The following ONECUT3 variants were observed in gnomAD, a reference collection of about 807,000 sequenced individuals.
ONECUT3 encodes one cut domain family member 3.
Under a neutral mutation model 16.8 loss-of-function variants are expected in ONECUT3, and 11 were observed. The observed-to-expected ratio is 0.66, with a 90% CI of 0.41 to 1.09. The LOEUF is 1.09. ONECUT3 is among the 50% of genes least tolerant of loss of function. The probability of loss-of-function intolerance (pLI) is 0.00; values close to 1 mark genes in which losing one functional copy is unlikely to be tolerated. For missense variants in ONECUT3, 637 were observed against 629.9 expected (o/e 1.01, Z -0.12); for synonymous variants, 344 against 310.7 (o/e 1.11, Z -1.13).
intron 1 of ONECUT3, among the ~76,000 whole-genome samples, chr19:1,760,495 C>A (rs1215623388): frequency 1.3e-5 from 2 of 152,092 alleles, no homozygotes; most frequent in Admixed American, 1.3e-4. Context: ...AGGTGACCGG[C>A]CAGTTCCACC....
rs891025660 is a variant in ONECUT3, at chr19:1,762,017, A to C, written c.1192+7163A>C. 2.6e-5 allele frequency among the ~76,000 whole-genome samples: 4 copies of C among 152,022 alleles called. No individual in the cohort carries two copies. The highest frequency in any genetic ancestry group is 9.7e-5 in the African/African-American group (4 of 41,368). ...GGGTCACAAGTGTAGACGCACCCGG[A>C]GACACGTGTGTAGACGCCTCCGTTC... is the stretch of plus-strand genomic sequence containing the variant. On this transcript the variant is annotated intron_variant, in intron 1 of 1. Transcript: ENST00000382349. The surrounding 1 kb of genome is among the most constrained non-coding windows in gnomAD (Gnocchi z 4.4).
rs906375219 is a variant in ONECUT3, at chr19:1,780,904, C to T, written c.*5459C>T. On this transcript the variant is annotated 3_prime_UTR_variant, in exon 2 of 2. Transcript: ENST00000382349. Reference sequence around the variant, plus strand: ...GACACCACTTGGACCCTCCAAAGTCCCCTCCCCTCCAGGGACAGGGGAGAG... The same window carrying T: ...GACACCACTTGGACCCTCCAAAGTCTCCTCCCCTCCAGGGACAGGGGAGAG... 10 of 151,596 alleles carry T rather than the reference C, an allele frequency of 6.6e-5. No individual in the cohort carries two copies. Among genetic ancestry groups the T allele is most frequent in the African/African-American group, 2.2e-4 (9 of 41,110 alleles). 9.4% of individuals were successfully genotyped at this position (151,596 alleles called of 1,614,324 possible).
rs902618297 is a variant in ONECUT3 at position 1,758,490 on chromosome 19, C to T, written c.1192+3636C>T. 1.3e-5 allele frequency among the ~76,000 whole-genome samples: 2 copies of T among 152,158 alleles called. No homozygotes were observed. The highest frequency in any genetic ancestry group is 2.9e-5 in the Non-Finnish European group (2 of 68,036). ...CCAAAGCACGCAAGAAATCCCACCG[C>T]AGACCTCGGAGTCCCGGCCCCACTG... is the stretch of plus-strand genomic sequence containing the variant. On this transcript the variant is annotated intron_variant, in intron 1 of 1. Coordinates refer to ENST00000382349, the MANE Select transcript of ONECUT3 (RefSeq NM_001080488.2). The surrounding 1 kb of genome is among the most constrained non-coding windows in gnomAD (Gnocchi z 5.9).
rs944941829 is a variant in ONECUT3 at position 1,755,840 on chromosome 19, C to T, written c.1192+986C>T. Among the ~76,000 whole-genome samples the T allele has an allele frequency of 6.6e-6, 1 of 152,222 alleles. No individual in the cohort carries two copies. Among genetic ancestry groups the T allele is most frequent in the Admixed American group, 6.5e-5 (1 of 15,288 alleles). ...TGACAACAGCTAAGTCCACACCTGC[C>T]CTCTGACAGGCAGCCCGGCCAGGCC... On this transcript the variant is annotated intron_variant, in intron 1 of 1. Transcript: ENST00000382349. The surrounding 1 kb of genome is among the most constrained non-coding windows in gnomAD (Gnocchi z 7.5).
rs961235887 is a variant in ONECUT3 at position 1,777,246 on chromosome 19, T to A, written c.*1801T>A. ...TTCCCAATAGTAGAAAGGGTCCCCA[T>A]TCCTGCTCAGCACCGCACCTCTCTA... On this transcript the variant is annotated 3_prime_UTR_variant, in exon 2 of 2. Coordinates refer to ENST00000382349, the MANE Select transcript of ONECUT3 (RefSeq NM_001080488.2). 6.6e-6 allele frequency: 1 copy of A among 152,312 alleles called. No homozygotes were observed. The highest frequency in any genetic ancestry group is 2.4e-5 in the African/African-American group (1 of 41,526). The allele number at this position is 152,312 out of a possible 1,614,324, so 9.4% of individuals were successfully genotyped here. A position where few individuals can be genotyped will look rare whatever the true frequency, so the allele number is the denominator to read the frequency against.
intron 1 of ONECUT3, among the ~76,000 whole-genome samples, chr19:1,763,386 A>T (rs1384393484): frequency 7.1e-6 from 1 of 140,114 alleles, no homozygotes; most frequent in African/African-American, 2.7e-5. Context: ...AAAAAAAAAA[A>T]AAAAAAAAAA....
rs769481068 is a variant in ONECUT3, at chr19:1,754,571, C to A, written c.909C>A (p.Gly303=). 48 of 1,142,496 alleles carry A rather than the reference C, an allele frequency of 4.2e-5. No homozygotes were observed. The highest frequency in any genetic ancestry group is 1.4e-4 in the Admixed American group (3 of 20,802). The allele number at this position is 1,142,496 out of a possible 1,614,324, so 70.8% of individuals were successfully genotyped here. The change falls in exon 1 of 2, where the codon GGC becomes GGA. Residue 303 remains glycine (G), a synonymous_variant. Coordinates refer to ENST00000382349, the MANE Select transcript of ONECUT3 (RefSeq NM_001080488.2). This position sits in a 1 kb window ranked among gnomAD's most constrained non-coding sequence, Gnocchi z 7.4. The stretch of plus-strand genomic sequence containing the variant: ...CGCACGGGCCGCACGGGGGAGGCGG[C>A]GGCCCCGGCGGGAGCGGCGGCGGCC... ...AGAHGPHGGG[G]GPGGSGGGPS...
rs2067935351 is a variant in ONECUT3 at position 1,759,600 on chromosome 19, G to A, written c.1192+4746G>A. Among the ~76,000 whole-genome samples, 1 of 152,238 alleles carries A rather than the reference G, an allele frequency of 6.6e-6. No homozygotes were observed. ...CTGCAAGGGGTCCACGCCTCTTACG[G>A]ACACCCCCAGAAAAATATGCCCCAC... On this transcript the variant is annotated intron_variant, in intron 1 of 1. Transcript: ENST00000382349. The surrounding 1 kb of genome is among the most constrained non-coding windows in gnomAD (Gnocchi z 4.1).
chr19:1,757,925 T>C (rs2067925480), intron 1 of ONECUT3, among the ~76,000 whole-genome samples: 1 of 152,132 alleles, frequency 6.6e-6, no homozygotes, highest in Non-Finnish European at 1.5e-5. Context: ...CCGCCCTTTC[T>C]ACTCCGGCAT....
intron 1 of ONECUT3, among the ~76,000 whole-genome samples, chr19:1,768,621 G>T (rs79608077): frequency 6.6e-6 from 1 of 152,188 alleles, no homozygotes; most frequent in Non-Finnish European, 1.5e-5. Flanking sequence ...CTATCCCCCC[G>T]ACTACAGGTC....
In ONECUT3 at chr19:1,762,250, T is replaced by G. The variant is rs2145959988; in HGVS notation, c.1192+7396T>G. Among the ~76,000 whole-genome samples, 1 of 152,120 alleles carries G rather than the reference T, an allele frequency of 6.6e-6. No individual in the cohort carries two copies. Among genetic ancestry groups the G allele is most frequent in the African/African-American group, 2.4e-5 (1 of 41,514 alleles). ...CGCCCCCAGCTGCGCCCGCCAGCCC[T>G]CCAACCCTCCTGCCCTCCTGCCCTC... On this transcript the variant is annotated intron_variant, in intron 1 of 1. Transcript: ENST00000382349. This position sits in a 1 kb window ranked among gnomAD's most constrained non-coding sequence, Gnocchi z 4.4.
Position 1,762,052 on chromosome 19 carries a change from C to G in ONECUT3, c.1192+7198C>G, listed in dbSNP as rs143999569. On this transcript the variant is annotated intron_variant, in intron 1 of 1. Transcript: ENST00000382349. This position sits in a 1 kb window ranked among gnomAD's most constrained non-coding sequence, Gnocchi z 4.4. ...GTAGACGCCTCCGTTCACACTGGGA[C>G]GAGTGCAGACTGACCCAGGACCCCC... Among the ~76,000 whole-genome samples, 1,041 of 152,294 alleles carry G rather than the reference C, an allele frequency of 6.8e-3. 5 individuals are homozygous for G. Among genetic ancestry groups the G allele is most frequent in the Non-Finnish European group, 0.012 (795 of 68,008 alleles).
chr19:1,757,917 G>A (rs560978523), intron 1 of ONECUT3, among the ~76,000 whole-genome samples: 1 of 152,236 alleles, frequency 6.6e-6, no homozygotes, highest in East Asian at 1.9e-4. Context: ...AGGACTCGCC[G>A]CCCTTTCTAC....
chr19:1,762,183 G>C lies in ONECUT3; in HGVS notation c.1192+7329G>C, dbSNP rs920976181. Among the ~76,000 whole-genome samples the C allele has an allele frequency of 6.6e-6, 1 of 152,246 alleles. No individual in the cohort carries two copies. Among genetic ancestry groups the C allele is most frequent in the African/African-American group, 2.4e-5 (1 of 41,482 alleles). ...GGACGCAGTGGCTGCGCCATCTGGA[G>C]ACCCTCGTGCTGGCTGCTGGGGGTC... On this transcript the variant is annotated intron_variant, in intron 1 of 1. Coordinates refer to ENST00000382349, the MANE Select transcript of ONECUT3 (RefSeq NM_001080488.2). This position sits in a 1 kb window ranked among gnomAD's most constrained non-coding sequence, Gnocchi z 4.4.
At position 1,766,749 on chromosome 19, in the gene ONECUT3, G is replaced by T. The variant is rs1013165104; in HGVS notation, c.1193-8404G>T. On this transcript the variant is annotated intron_variant, in intron 1 of 1. Coordinates refer to ENST00000382349, the MANE Select transcript of ONECUT3 (RefSeq NM_001080488.2). The surrounding 1 kb of genome is among the most constrained non-coding windows in gnomAD (Gnocchi z 4.0). The stretch of plus-strand genomic sequence containing the variant: ...CTCGGGGAGCCCCACTGTCCCACCC[G>T]GCGCTCCAGGGCAGTGGCTACTGGT... Among the ~76,000 whole-genome samples the T allele has an allele frequency of 6.6e-6, 1 of 152,020 alleles. No homozygotes were observed. Among genetic ancestry groups the T allele is most frequent in the Admixed American group, 6.5e-5 (1 of 15,268 alleles).
chr19:1,757,933 C>T (rs953852816), intron 1 of ONECUT3, among the ~76,000 whole-genome samples: 1 of 152,228 alleles, frequency 6.6e-6, no homozygotes, highest in Non-Finnish European at 1.5e-5. Flanking sequence ...TCTACTCCGG[C>T]ATCCCCATTC....
At chr19:1,770,920 CCTCT>C (rs1281600014) in intron 1 of ONECUT3, among the ~76,000 whole-genome samples, 2 of 152,216 alleles carry the variant, frequency 1.3e-5, no homozygotes, top group Non-Finnish European at 2.9e-5. Context: ...CCATACTCTC[CCTCT>C]CTGTCAGTCT....
At chr19:1,765,397 C>T (rs527802010) in intron 1 of ONECUT3, among the ~76,000 whole-genome samples, 3 of 152,300 alleles carry the variant, frequency 2.0e-5, no homozygotes, top group African/African-American at 4.8e-5. Context: ...TGTATCCACT[C>T]GAAGGCCTCA....
chr19:1,763,366 CAAAAAAAAAAAAAAA>C lies in ONECUT3; in HGVS notation c.1192+8528_1192+8542del, dbSNP rs201101328. ...TGGGTGACAGAGTGAGACTCCATCT[CAAAAAAAAAAAAAAA>C]AAAAAAAAAAAAAAATTAGCCAGAT... On this transcript the variant is annotated intron_variant, in intron 1 of 1. Coordinates refer to ENST00000382349, the MANE Select transcript of ONECUT3 (RefSeq NM_001080488.2). Among the ~76,000 whole-genome samples the C allele has an allele frequency of 3.2e-3, 117 of 36,842 alleles. 6 individuals are homozygous for C. Among genetic ancestry groups the C allele is most frequent in the Admixed American group, 9.8e-3 (19 of 1,934 alleles). 24.2% of individuals were successfully genotyped at this position (36,842 alleles called of 152,430 possible).
Sources: allele counts gnomAD v4.1 joint callset (sites outside exome capture counted in the v4.1 genomes callset), GRCh38; gene constraint gnomAD v4.1.1; non-coding constraint Gnocchi (gnomAD v3.1); transcripts MANE v1.5; gene names NCBI Gene and HGNC (gene_info 2026-07-23, HGNC 2026-07-21).